Variants in STXBP2 observed in about 807,000 individuals in gnomAD.
STXBP2 encodes the protein syntaxin binding protein 2.
STXBP2 carries 47 observed loss-of-function variants against 72.2 expected under a neutral mutation model. That is an observed-to-expected ratio of 0.65 (90% CI 0.51 to 0.83). STXBP2 has a LOEUF of 0.83. Among genes scored for constraint, STXBP2 ranks in the 40% least tolerant of loss-of-function variants. The pLI is 0.00. For missense variants in STXBP2, 702 were observed against 807.6 expected (o/e 0.87, Z 1.58); for synonymous variants, 367 against 338.7 (o/e 1.08, Z -0.92).
chr19:7,633,635 GC>G, upstream of STXBP2: 1 of 638,648 alleles, frequency 1.6e-6, no homozygotes, highest in Non-Finnish European at 2.7e-6. Context: ...ATAATTGTTT[GC>G]CCACAACGAT....
At chr19:7,640,505 TGTGTGTGC>T (rs2031815887) in intron 4 of STXBP2, 3 of 606,024 alleles carry the variant, frequency 5.0e-6, no homozygotes, top group Non-Finnish European at 6.3e-6. Context: ...TGCATCTGTG[TGTGTGTGC>T]ATGTGTGCAT....
upstream of STXBP2, among the ~76,000 whole-genome samples, chr19:7,635,505 G>A (rs1261375445): frequency 6.6e-6 from 1 of 152,106 alleles, no homozygotes; most frequent in Non-Finnish European, 1.5e-5. Flanking sequence ...TACCAGCCTG[G>A]GCAACATAGG....
intron 1 of STXBP2, 107 bp from the exon 2 acceptor site, chr19:7,638,619 A>AT: frequency 2.5e-6 from 3 of 1,207,588 alleles, no homozygotes; most frequent in Non-Finnish European, 3.6e-6. Context: ...AAAAAAAAAA[A>AT]GTAAATGGGA....
rs1042027187 is a variant in STXBP2 at position 7,642,691 on chromosome 19, C to A, written c.903-75C>A. 5 of 1,505,232 alleles carry A rather than the reference C, an allele frequency of 3.3e-6. No individual in the cohort carries two copies. Among genetic ancestry groups the A allele is most frequent in the Non-Finnish European group, 3.7e-6 (4 of 1,086,628 alleles). The allele number at this position is 1,505,232 out of a possible 1,614,324, so 93.2% of individuals were successfully genotyped here. On this transcript the variant is annotated intron_variant, in intron 10 of 18. Coordinates refer to ENST00000221283, the MANE Select transcript of STXBP2 (RefSeq NM_006949.4). The surrounding 1 kb of genome is among the most constrained non-coding windows in gnomAD (Gnocchi z 6.0). ...CCAATTTCACCCCACCTCTCCCTGT[C>A]CCCCCTGAGTGGGCTCACCCATGGC...
chr19:7,632,805 A>G, upstream of STXBP2: 3 of 1,559,764 alleles, frequency 1.9e-6, no homozygotes, highest in Non-Finnish European at 2.6e-6. This position sits in a 1 kb window ranked among gnomAD's most constrained non-coding sequence, Gnocchi z 5.2. Context: ...CAGATTGAAG[A>G]AGCCCTCCTG....
Position 7,646,318 on chromosome 19 carries a change from ACCCCGGT to A in STXBP2, c.1428_1434del (p.Pro477SerfsTer4). 1 of 1,610,502 alleles carries A rather than the reference ACCCCGGT, an allele frequency of 6.2e-7. No individual in the cohort carries two copies. The highest frequency in any genetic ancestry group is 8.5e-7 in the Non-Finnish European group (1 of 1,178,880). ...GCCCACCTATCAGCTGTCCCGCTGGACCCCGGTCATCAAGGATGTAATGGAGGTACTG... is the reference window on the plus strand; with the variant it reads ...GCCCACCTATCAGCTGTCCCGCTGGACATCAAGGATGTAATGGAGGTACTG... On this transcript the variant is annotated frameshift_variant, in exon 16 of 19. Coordinates refer to ENST00000221283, the MANE Select transcript of STXBP2 (RefSeq NM_006949.4). LOFTEE classifies it high-confidence loss of function.
rs1429333919 is a variant in STXBP2 at position 7,642,893 on chromosome 19, C to T, written c.960+70C>T. ...CCCCCTCCCCATGGGCGCAGGGCCA[C>T]AGCCTGGATTTCGAGCCTGGACTGA... On this transcript the variant is annotated intron_variant, in intron 11 of 18. Coordinates refer to ENST00000221283, the MANE Select transcript of STXBP2 (RefSeq NM_006949.4). The surrounding 1 kb of genome is among the most constrained non-coding windows in gnomAD (Gnocchi z 6.0). 9 of 1,613,166 alleles carry T rather than the reference C, an allele frequency of 5.6e-6. No individual in the cohort carries two copies. The highest frequency in any genetic ancestry group is 7.6e-6 in the Non-Finnish European group (9 of 1,179,102).
chr19:7,630,670 G>C, the STXBP2 span: 1 of 1,536,638 alleles, frequency 6.5e-7, no homozygotes, highest in Non-Finnish European at 8.7e-7. Flanking sequence ...GTGGGCATAA[G>C]AGGAGTGTTT....
upstream of STXBP2, among the ~76,000 whole-genome samples, chr19:7,635,546 A>G (rs1052134331): frequency 1.2e-4 from 18 of 149,358 alleles, no homozygotes; most frequent in African/African-American, 4.6e-4. Flanking sequence ...CAACAACAAA[A>G]TCAACCGGGC....
upstream of STXBP2, chr19:7,632,812 C>T (rs370586745): frequency 8.7e-5 from 136 of 1,556,590 alleles, no homozygotes; most frequent in Non-Finnish European, 1.1e-4. This position sits in a 1 kb window ranked among gnomAD's most constrained non-coding sequence, Gnocchi z 5.2. Flanking sequence ...AAGAAGCCCT[C>T]CTGGTCTGGG....
rs1215501211 is a variant in STXBP2, at chr19:7,641,009, GC to G, written c.429+9del. On this transcript the variant is annotated splice_region_variant and intron_variant, in intron 6 of 18. Transcript: ENST00000221283. ...TCCTCCCCTACGAGGCCCAGGTACGGCCCGGGCTCATCCTGGGCAGGGGGTG... is the reference window on the plus strand; with the variant it reads ...TCCTCCCCTACGAGGCCCAGGTACGGCCGGGCTCATCCTGGGCAGGGGGTG... 1 of 1,613,866 alleles carries G rather than the reference GC, an allele frequency of 6.2e-7. No homozygotes were observed.
chr19:7,634,345 A>G (rs112067722), upstream of STXBP2, among the ~76,000 whole-genome samples: 470 of 152,208 alleles, frequency 3.1e-3, 4 homozygotes, highest in African/African-American at 0.011. Context: ...TGGAAGTTTC[A>G]TCTCAGAATG....
chr19:7,639,995 T>A lies in STXBP2; in HGVS notation c.246+188T>A, dbSNP rs560430923. The stretch of plus-strand genomic sequence containing the variant: ...ATGCATGTGTGTGCGTGTTTGCATG[T>A]GTGTCTATGTATGTGTCTGTGTGCA... On this transcript the variant is annotated intron_variant, in intron 4 of 18. Coordinates refer to ENST00000221283, the MANE Select transcript of STXBP2 (RefSeq NM_006949.4). The A allele has an allele frequency of 1.5e-5, 11 of 719,452 alleles. No homozygotes were observed. The East Asian group carries it at 2.8e-4, about 18-fold the overall frequency. 44.6% of individuals were successfully genotyped at this position (719,452 alleles called of 1,614,324 possible).
In STXBP2 at chr19:7,641,774, C is replaced by T. The variant is rs768296460; in HGVS notation, c.499C>T (p.Arg167Trp). ...YCPFRAEERT[R>W]QLEVLAQQIA... ...CCCCTTCCGGGCAGAGGAGCGCACG[C>T]GGCAGCTCGAGGTGCTGGCCCAGCA... The change falls in exon 7 of 19, where the codon CGG becomes TGG. Residue 167 changes from arginine (R) to tryptophan (W), a missense_variant. Coordinates refer to ENST00000221283, the MANE Select transcript of STXBP2 (RefSeq NM_006949.4). 109 of 1,551,838 alleles carry T rather than the reference C, an allele frequency of 7.0e-5. No individual in the cohort carries two copies. Among genetic ancestry groups the T allele is most frequent in the Non-Finnish European group, 8.6e-5 (99 of 1,147,788 alleles).
the STXBP2 span, chr19:7,629,924 G>A: frequency 3.4e-6 from 5 of 1,456,616 alleles, no homozygotes; most frequent in Non-Finnish European, 3.6e-6. Flanking sequence ...TGAAGATGAG[G>A]TTGGAAATGG....
At chr19:7,638,654 G>T (rs966570469) in intron 1 of STXBP2, 72 bp from the exon 2 acceptor site, 73 of 1,556,180 alleles carry the variant, frequency 4.7e-5, no homozygotes, top group Admixed American at 1.5e-4. Context: ...TCAGCCCCAA[G>T]GCTGAGAAGG....
At chr19:7,638,635 G>T in intron 1 of STXBP2, 91 bp from the exon 2 acceptor site, 10 of 1,326,940 alleles carry the variant, frequency 7.5e-6, no homozygotes, top group South Asian at 1.2e-5. Context: ...TGGGAATTAA[G>T]ATGGGGGTTC....
intron 13 of STXBP2, among the ~76,000 whole-genome samples, chr19:7,644,068 G>A (rs112613902): frequency 8.1e-5 from 12 of 148,158 alleles, no homozygotes; most frequent in East Asian, 4.1e-4. Context: ...TGGGACCTGG[G>A]TGAGGGGTGG....
the STXBP2 span, chr19:7,631,405 GGGGT>G: frequency 3.1e-5 from 32 of 1,043,870 alleles, no homozygotes; most frequent in Non-Finnish European, 4.2e-5. Flanking sequence ...TGGGCGGGGG[GGGGT>G]GGTCCCGGCT....
Sources: gnomAD v4.1 joint callset for allele counts (sites outside exome capture counted in the v4.1 genomes callset) on GRCh38, gnomAD v4.1.1 for gene constraint, Gnocchi (gnomAD v3.1) non-coding constraint, MANE v1.5 for transcripts, NCBI Gene and HGNC (gene_info 2026-07-23, HGNC 2026-07-21) for gene names.